Variants in RBFOX2 observed in about 807,000 individuals in gnomAD.
RBFOX2 encodes RNA binding fox-1 homolog 2, also known as RNA binding protein fox-1 homolog 2.
A neutral mutation model predicts 49.1 loss-of-function variants in RBFOX2; 10 were observed. The observed-to-expected ratio is 0.20, with a 90% confidence interval of 0.13 to 0.35. RBFOX2 has a LOEUF of 0.35. RBFOX2 is among the 10% of genes least tolerant of loss of function. The pLI is 1.00. For synonymous variants in RBFOX2, 183 were observed against 187.4 expected (o/e 0.98, Z 0.19); for missense variants, 323 against 486.9 (o/e 0.66, Z 3.17).
chr22:35,903,052 T>C (rs1030442480), intron 1 of RBFOX2, among the ~76,000 whole-genome samples: 20 of 152,260 alleles, frequency 1.3e-4, no homozygotes, highest in African/African-American at 4.6e-4. Context: ...AATGATTAAA[T>C]GAACCCTAAT....
chr22:35,846,693 T>C (rs1271681043), intron 1 of RBFOX2, among the ~76,000 whole-genome samples: 1 of 152,042 alleles, frequency 6.6e-6, no homozygotes, highest in Non-Finnish European at 1.5e-5. Flanking sequence ...AGGCAGACGT[T>C]GCAGTGAGCC....
chr22:35,975,483 A>T (rs150538857), intron 1 of RBFOX2, among the ~76,000 whole-genome samples: 82 of 152,330 alleles, frequency 5.4e-4, no homozygotes, highest in African/African-American at 1.9e-3. Flanking sequence ...TAATGCCAAG[A>T]AGCCTAACAC....
chr22:35,976,978 A>C (rs1021966099), intron 1 of RBFOX2, among the ~76,000 whole-genome samples: 18 of 151,884 alleles, frequency 1.2e-4, no homozygotes, highest in African/African-American at 4.1e-4. Context: ...AAAAAAAAAA[A>C]AGAAAAAGAA....
In RBFOX2 at chr22:35,827,512, A is replaced by G. The variant is rs147262478; in HGVS notation, c.27+12680T>C. 1.2e-3 allele frequency among the ~76,000 whole-genome samples: 186 copies of G among 152,272 alleles called. 2 individuals carry two copies. Among genetic ancestry groups the G allele is most frequent in the Middle Eastern group, 0.01 (3 of 294 alleles). The stretch of plus-strand genomic sequence containing the variant: ...CTATCCTACCACTAAACCTCACTCA[A>G]TACTAAAGAATTTGATTCTAGTTTC... On this transcript the variant is annotated intron_variant, in intron 1 of 11. Transcript: ENST00000405409.
intron 3 of RBFOX2, 150 bp from the exon 5 acceptor site, chr22:35,778,228 C>T: frequency 1.5e-6 from 1 of 684,772 alleles, no homozygotes; most frequent in African/African-American, 1.8e-5. Context: ...GTTCCAATAC[C>T]AGTTTCTGAT....
At chr22:35,951,144 C>T (rs192977538) in intron 1 of RBFOX2, among the ~76,000 whole-genome samples, 69 of 149,470 alleles carry the variant, frequency 4.6e-4, no homozygotes, top group African/African-American at 1.7e-3. Context: ...TTAGTAGAGA[C>T]GGGGTTTCAC....
chr22:35,985,909 TA>T (rs1569518838), intron 1 of RBFOX2, among the ~76,000 whole-genome samples: 2 of 28,882 alleles, frequency 6.9e-5, no homozygotes, highest in Non-Finnish European at 1.9e-4. Flanking sequence ...GATGGATAGA[TA>T]GATAGATAGA....
intron 1 of RBFOX2, among the ~76,000 whole-genome samples, chr22:35,959,471 C>A (rs2055962840): frequency 6.6e-6 from 1 of 152,220 alleles, no homozygotes; most frequent in Non-Finnish European, 1.5e-5. Context: ...GATAATTCAT[C>A]TTTAACCTGC....
chr22:35,910,747 GA>G (rs1297843476), intron 1 of RBFOX2, among the ~76,000 whole-genome samples: 1 of 152,058 alleles, frequency 6.6e-6, no homozygotes, highest in Non-Finnish European at 1.5e-5. Flanking sequence ...TGAACTAGCG[GA>G]AAAAAACTGA....
At chr22:36,008,611 G>A (rs1021797159) in intron 1 of RBFOX2, among the ~76,000 whole-genome samples, 1 of 152,102 alleles carries the variant, frequency 6.6e-6, no homozygotes, top group African/African-American at 2.4e-5. Flanking sequence ...GAGGCCAGGA[G>A]TTTAAGACCA....
At chr22:35,903,686 A>C (rs2048828265) in intron 1 of RBFOX2, among the ~76,000 whole-genome samples, 1 of 152,094 alleles carries the variant, frequency 6.6e-6, no homozygotes, top group South Asian at 2.1e-4. Flanking sequence ...ACAATTATGA[A>C]AGCCAGAAAC....
chr22:35,939,195 G>A (rs770910193), upstream of RBFOX2: 26 of 561,524 alleles, frequency 4.6e-5, no homozygotes, highest in South Asian at 4.0e-4. Flanking sequence ...TGGGGTCAGA[G>A]TTAATTCCTA....
chr22:35,827,199 A>G (rs1955943965), intron 1 of RBFOX2, among the ~76,000 whole-genome samples: 2 of 152,240 alleles, frequency 1.3e-5, no homozygotes, highest in African/African-American at 4.8e-5. Context: ...CTAAGGTTCC[A>G]CCAAGTTTGC....
chr22:35,902,830 A>C (rs868480551), intron 1 of RBFOX2, among the ~76,000 whole-genome samples: 11,461 of 150,822 alleles, frequency 0.076, 464 homozygotes, highest in South Asian at 0.086. Context: ...AAAAAAAAAA[A>C]ATTTAGAGAA....
At chr22:35,993,895 G>A (rs539939217) in intron 1 of RBFOX2, 1 of 152,166 alleles carries the variant, frequency 6.6e-6, no homozygotes, top group Non-Finnish European at 1.5e-5. Flanking sequence ...GCTGAGGCAG[G>A]AGAATCACCT....
intron 2 of RBFOX2, among the ~76,000 whole-genome samples, chr22:35,797,182 AAT>A (rs1292354256): frequency 1.3e-5 from 2 of 152,148 alleles, no homozygotes; most frequent in Non-Finnish European, 2.9e-5. Context: ...TTTAAATCAA[AAT>A]ATCAGTCCTT....
At chr22:35,818,891 T>C (rs895081877) in intron 1 of RBFOX2, among the ~76,000 whole-genome samples, 1 of 152,230 alleles carries the variant, frequency 6.6e-6, no homozygotes, top group Non-Finnish European at 1.5e-5. Context: ...AATTATGCTT[T>C]ATAAATTTTG....
intron 1 of RBFOX2, chr22:35,993,366 G>A (rs1366988585): frequency 1.3e-5 from 2 of 152,232 alleles, no homozygotes; most frequent in African/African-American, 2.4e-5. Context: ...AAAGGTGGAT[G>A]TAATGGTTTT....
At chr22:35,994,761 T>C (rs1222841726) in intron 1 of RBFOX2, 1 of 151,596 alleles carries the variant, frequency 6.6e-6, no homozygotes, top group South Asian at 2.1e-4. Flanking sequence ...CTCACTTTGT[T>C]GCCCAAGCGA....
Sources: gnomAD v4.1 joint callset for allele counts (sites outside exome capture counted in the v4.1 genomes callset) on GRCh38, gnomAD v4.1.1 for gene constraint, MANE v1.5 for transcripts, NCBI Gene and HGNC (gene_info 2026-07-23, HGNC 2026-07-21) for gene names.